The following RHBDF1 variants were observed in gnomAD, a reference collection of about 807,000 sequenced individuals.
RHBDF1 encodes rhomboid 5 homolog 1.
RHBDF1 carries 80 observed loss-of-function variants against 98.6 expected under a neutral mutation model. That is an observed-to-expected ratio of 0.81 (90% confidence interval 0.68 to 0.98). The LOEUF is 0.98. Ranked by LOEUF, RHBDF1 falls within the 50% of genes least tolerant of loss-of-function variation. The pLI, the probability that RHBDF1 is intolerant of heterozygous loss-of-function variation, is 0.00. For synonymous variants in RHBDF1, 512 were observed against 486.8 expected (o/e 1.05, Z -0.68); for missense variants, 1,116 against 1,198.3 (o/e 0.93, Z 1.01).
chr16:70,285 GT>G (rs971182712), intron 1 of RHBDF1, among the ~76,000 whole-genome samples: 2 of 152,218 alleles, frequency 1.3e-5, no homozygotes, highest in African/African-American at 4.8e-5. Context: ...GGTCTCAGGA[GT>G]TAGGCGAAAA....
At chr16:63,545 C>A (rs769060822) in intron 4 of RHBDF1, 42 bp downstream of exon 4, 5 of 1,474,924 alleles carry the variant, frequency 3.4e-6, no homozygotes, top group South Asian at 1.3e-5. Flanking sequence ...CCCCTGAGAG[C>A]GGAAGGAGGG....
At chr16:67,706 GCCA>G (rs1287583775) in intron 1 of RHBDF1, among the ~76,000 whole-genome samples, 7 of 152,196 alleles carry the variant, frequency 4.6e-5, no homozygotes, top group African/African-American at 1.7e-4. Flanking sequence ...ATATGTATGG[GCCA>G]CTGTCCTGTC....
chr16:59,842 GGAC>G lies in RHBDF1; in HGVS notation c.1723-19_1723-17del, dbSNP rs747282684. 8 of 1,613,950 alleles carry G rather than the reference GGAC, an allele frequency of 5.0e-6. No individual in the cohort carries two copies. The African/African-American group carries it at 9.3e-5, about 19-fold the overall frequency. ...TGGTGCAGATCTGGGTCACAAATGA[GGAC>G]GAGCTGAGTCAGGGCCTCCCCCAAC... On this transcript the variant is annotated splice_polypyrimidine_tract_variant and intron_variant, in intron 13 of 17. Coordinates refer to ENST00000262316, the MANE Select transcript of RHBDF1 (RefSeq NM_022450.5).
At position 63,191 on chromosome 16, in the gene RHBDF1, G is replaced by A; in HGVS notation, c.463-9C>T. On this transcript the variant is annotated splice_polypyrimidine_tract_variant and intron_variant, in intron 4 of 17. Coordinates refer to ENST00000262316, the MANE Select transcript of RHBDF1 (RefSeq NM_022450.5). Reference sequence around the variant, plus strand: ...GCCAGGGGGTCTATGATCTGGAGGAGGGGAGGAGATGCTGGAGTCAGGACC... The same window carrying A: ...GCCAGGGGGTCTATGATCTGGAGGAAGGGAGGAGATGCTGGAGTCAGGACC... 6.4e-7 allele frequency: 1 copy of A among 1,559,148 alleles called. No homozygotes were observed. Among genetic ancestry groups the A allele is most frequent in the Non-Finnish European group, 8.7e-7 (1 of 1,152,558 alleles).
Position 58,680 on chromosome 16 carries a change from C to G in RHBDF1, c.2228G>C (p.Arg743Pro). 1 of 1,613,110 alleles carries G rather than the reference C, an allele frequency of 6.2e-7. No homozygotes were observed. The highest frequency in any genetic ancestry group is 8.5e-7 in the Non-Finnish European group (1 of 1,179,978). ...CAGCTTGAAGAAGGCACGCCAGGGC[C>G]GCGCCAGGATCTGCCAGCTCTGGAA... ...ELFQSWQILA[R>P]PWRAFFKLLA... The change falls in exon 18 of 18, where the codon CGG becomes CCG. Residue 743 changes from arginine to proline, a missense_variant. Arg to Pro is a moderately radical substitution (Grantham distance 103, BLOSUM62 -2). Coordinates refer to ENST00000262316, the MANE Select transcript of RHBDF1 (RefSeq NM_022450.5).
chr16:75,475 C>A (rs182140605), upstream of RHBDF1, among the ~76,000 whole-genome samples: 1 of 152,330 alleles, frequency 6.6e-6, no homozygotes, highest in East Asian at 1.9e-4. Flanking sequence ...GGGAGCAGGG[C>A]TCCAGGGATG....
At chr16:69,906 C>A (rs1385317782) in intron 1 of RHBDF1, among the ~76,000 whole-genome samples, 1 of 151,734 alleles carries the variant, frequency 6.6e-6, no homozygotes, top group Non-Finnish European at 1.5e-5. Context: ...AGGTTCCCTG[C>A]TACAGGCCAT....
In RHBDF1 at chr16:64,740, C is replaced by T. The variant is rs74352014; in HGVS notation, c.207G>A (p.Pro69=). ...ISSPHHELRR[P]VLQRQTSITQ... is the part of the protein sequence containing the mutation. ...TGATGGACGTCTGGCGTTGCAGCAC[C>T]GGCCGCCGGAGCTCATGGTGGGGTG... Residue 69 remains proline (P), a synonymous_variant, in exon 3 of 18, where the codon CCG becomes CCA. Transcript: ENST00000262316. 2,178 of 1,613,650 alleles carry T rather than the reference C, an allele frequency of 1.3e-3. 13 individuals carry two copies. In the African/African-American group the frequency reaches 0.017, roughly 13 times the overall value.
At chr16:75,493 G>A (rs1898069693), upstream of RHBDF1, among the ~76,000 whole-genome samples, 1 of 152,204 alleles carries the variant, frequency 6.6e-6, no homozygotes, top group South Asian at 2.1e-4. Flanking sequence ...ATGGGCCCAT[G>A]ACCAGCTCCT....
chr16:58,093 T>C lies in RHBDF1; in HGVS notation c.*247A>G, dbSNP rs1897452830. 1 of 459,768 alleles carries C rather than the reference T, an allele frequency of 2.2e-6. No individual in the cohort carries two copies. 28.5% of individuals were successfully genotyped at this position (459,768 alleles called of 1,614,324 possible). ...TGGCAGCTAAAACGCTCCCAGTCCA[T>C]TTATTGGCCACATGAGGTGGTCGTC... On this transcript the variant is annotated 3_prime_UTR_variant, in exon 18 of 18. Transcript: ENST00000262316.
intron 11 of RHBDF1, 107 bp downstream of exon 11, chr16:61,013 G>A: frequency 7.9e-7 from 1 of 1,264,948 alleles, no homozygotes; most frequent in Non-Finnish European, 1.1e-6. Flanking sequence ...AAGGACGGCG[G>A]GATGTGCCAG....
chr16:66,681 G>A (rs1007328081), intron 1 of RHBDF1, among the ~76,000 whole-genome samples: 2 of 152,198 alleles, frequency 1.3e-5, no homozygotes, highest in African/African-American at 4.8e-5. Flanking sequence ...CCAGGTGAGA[G>A]CTGGGGGGCA....
In RHBDF1 at chr16:64,958, G is replaced by A; in HGVS notation, c.58C>T (p.Leu20=). ...SSLQRKKPPW[L]KLDIPSAVPL... ...ACCGCAGAGGGAATGTCCAGCTTTA[G>A]CCAGGGTGGCTTCTTGCGCTGCAGG... Residue 20 remains leucine (L), a synonymous_variant, in exon 2 of 18, where the codon CTA becomes TTA. Transcript: ENST00000262316. 1 of 1,572,762 alleles carries A rather than the reference G, an allele frequency of 6.4e-7. No homozygotes were observed. The highest frequency in any genetic ancestry group is 8.7e-7 in the Non-Finnish European group (1 of 1,155,886).
chr16:74,606 T>C (rs1283971847), upstream of RHBDF1: 1 of 152,168 alleles, frequency 6.6e-6, no homozygotes, highest in African/African-American at 2.4e-5. Context: ...CACCCTGGCC[T>C]CCTGAGTGAG....
chr16:75,522 C>T (rs1478469518), upstream of RHBDF1, among the ~76,000 whole-genome samples: 1 of 152,202 alleles, frequency 6.6e-6, no homozygotes, highest in East Asian at 1.9e-4. Flanking sequence ...GGGGAAGAGG[C>T]AGAAGGGGGC....
In RHBDF1 at chr16:62,596, C is replaced by A; in HGVS notation, c.895G>T (p.Ala299Ser). ...LKDWEKAPEQ[A>S]DLTGGALDRS... ...TCCAGGGCCCCGCCGGTGAGGTCCG[C>A]CTGCTCCGGTGCCTTCTCCCAGTCC... The change falls in exon 7 of 18, where the codon GCG becomes TCG. Residue 299 changes from alanine (A) to serine (S), a missense_variant. Transcript: ENST00000262316. 6.2e-7 allele frequency: 1 copy of A among 1,613,774 alleles called. No individual in the cohort carries two copies. Among genetic ancestry groups the A allele is most frequent in the Non-Finnish European group, 8.5e-7 (1 of 1,180,032 alleles).
At chr16:63,233 C>T in intron 4 of RHBDF1, 51 bp from the exon 5 acceptor site, 1 of 1,439,484 alleles carries the variant, frequency 6.9e-7, no homozygotes, top group East Asian at 2.5e-5. Context: ...GCTCCTAGCT[C>T]ACCCAGAGGC....
In RHBDF1 at chr16:61,424, C is replaced by T. The variant is rs139775363; in HGVS notation, c.1356G>A (p.Lys452=). The change falls in exon 10 of 18, where the codon AAG becomes AAA. Residue 452 remains lysine (K), a synonymous_variant. Coordinates refer to ENST00000262316, the MANE Select transcript of RHBDF1 (RefSeq NM_022450.5). The stretch of plus-strand genomic sequence containing the variant: ...TCCAGAAGTTCTCCTGCTGCACGTA[C>T]TTGACGTTCTCGTAGACCCCGCGGT... The part of the protein sequence containing the change: ...LRNRGVYENV[K]YVQQENFWIG... 3.7e-5 allele frequency: 60 copies of T among 1,612,380 alleles called. No individual in the cohort carries two copies. The African/African-American group carries it at 7.2e-4, about 19-fold the overall frequency.
At chr16:75,123 C>T (rs1020242700), upstream of RHBDF1, among the ~76,000 whole-genome samples, 1 of 152,142 alleles carries the variant, frequency 6.6e-6, no homozygotes, top group Non-Finnish European at 1.5e-5. Flanking sequence ...GGTGGAGGAG[C>T]CCCCTATACG....
Sources: allele counts gnomAD v4.1 joint callset (sites outside exome capture counted in the v4.1 genomes callset), GRCh38; gene constraint gnomAD v4.1.1; transcripts MANE v1.5; gene names NCBI Gene and HGNC (gene_info 2026-07-23, HGNC 2026-07-21).